Variants in CCDC178 observed in about 807,000 individuals in gnomAD.
CCDC178 encodes the protein coiled-coil domain-containing protein 178.
CCDC178 carries 126 observed loss-of-function variants against 117.4 expected under a neutral mutation model. The observed-to-expected ratio is 1.07, with a 90% CI of 0.93 to 1.24. The LOEUF (loss-of-function observed/expected upper bound fraction) is 1.24, where lower values mean the gene tolerates loss of function less well. Ranked by LOEUF, CCDC178 falls within the 50% of genes most tolerant of loss-of-function variation. CCDC178 has a pLI of 0.00. For synonymous variants in CCDC178, 283 were observed against 313.4 expected (o/e 0.90, Z 1.02); for missense variants, 1,030 against 986.9 (o/e 1.04, Z -0.59).
At chr18:33,016,017 A>G (rs888364523) in intron 21 of CCDC178, among the ~76,000 whole-genome samples, 6 of 152,156 alleles carry the variant, frequency 3.9e-5, no homozygotes, top group African/African-American at 1.4e-4. Context: ...AAAACTTCCA[A>G]ATTTGGAGGA....
intron 2 of CCDC178, among the ~76,000 whole-genome samples, chr18:33,419,628 G>A (rs1006961844): frequency 5.9e-5 from 9 of 152,166 alleles, no homozygotes; most frequent in African/African-American, 2.2e-4. Flanking sequence ...GTGGGCAAAC[G>A]ACATGTAGAC....
intron 21 of CCDC178, among the ~76,000 whole-genome samples, chr18:33,089,724 G>T (rs2057434667): frequency 6.6e-6 from 1 of 152,156 alleles, no homozygotes; most frequent in African/African-American, 2.4e-5. Context: ...ATCTGGGGTG[G>T]CAATTAAAAC....
chr18:33,267,019 C>T lies in CCDC178; in HGVS notation c.1306G>A (p.Ala436Thr), dbSNP rs2059825652. 6.3e-7 allele frequency: 1 copy of T among 1,599,790 alleles called. No individual in the cohort carries two copies. The highest frequency in any genetic ancestry group is 1.4e-5 in the African/African-American group (1 of 73,960). ...KTWDIELSDV[A>T]KDFSAISLAC... ...AAAGAAATAGCTGAAAAATCTTTTGCAACATCAGAAAGCTCAATATCCCAT... is the reference window on the plus strand; with the variant it reads ...AAAGAAATAGCTGAAAAATCTTTTGTAACATCAGAAAGCTCAATATCCCAT... The change falls in exon 14 of 23, where the codon GCA (alanine) becomes ACA (threonine). Residue 436 changes from alanine (A) to threonine (T), a missense_variant. Transcript: ENST00000383096.
At chr18:33,307,789 G>T (rs978222279) in intron 11 of CCDC178, among the ~76,000 whole-genome samples, 69 of 152,328 alleles carry the variant, frequency 4.5e-4, no homozygotes, top group African/African-American at 1.6e-3. Context: ...AGGAGCCAAT[G>T]TAAAGCTCAG....
intron 22 of CCDC178, among the ~76,000 whole-genome samples, chr18:32,945,461 A>C (rs2054324476): frequency 1.3e-5 from 2 of 152,204 alleles, no homozygotes; most frequent in South Asian, 4.1e-4. Flanking sequence ...TACATAAACA[A>C]AATTTTGTTA....
intron 20 of CCDC178, among the ~76,000 whole-genome samples, chr18:33,196,650 A>G (rs1410998615): frequency 2.0e-5 from 3 of 152,092 alleles, no homozygotes; most frequent in Non-Finnish European, 2.9e-5. Context: ...GGCCTACCAC[A>G]TGCCAAGACG....
chr18:33,332,111 G>C (rs1218258574), intron 10 of CCDC178, among the ~76,000 whole-genome samples: 2 of 152,120 alleles, frequency 1.3e-5, no homozygotes, highest in African/African-American at 2.4e-5. Context: ...AAAATTGTCA[G>C]ATTAAAAAAT....
chr18:33,228,841 A>C (rs1599027253), intron 15 of CCDC178, among the ~76,000 whole-genome samples: 2 of 152,324 alleles, frequency 1.3e-5, no homozygotes, highest in East Asian at 3.9e-4. Flanking sequence ...CTCTTTACAG[A>C]AAATGGTCTA....
intron 21 of CCDC178, among the ~76,000 whole-genome samples, chr18:33,012,373 T>C (rs1229282369): frequency 1.3e-5 from 2 of 152,182 alleles, no homozygotes; most frequent in Non-Finnish European, 2.9e-5. Flanking sequence ...GTAAGAATTA[T>C]TGTAGAGAAT....
intron 12 of CCDC178, among the ~76,000 whole-genome samples, chr18:33,289,662 T>C (rs1334296840): frequency 6.6e-6 from 1 of 151,942 alleles, no homozygotes; most frequent in Non-Finnish European, 1.5e-5. Context: ...TAAAAAAAGA[T>C]AAAAGGAATT....
At chr18:33,198,287 T>C (rs2058955529) in intron 20 of CCDC178, among the ~76,000 whole-genome samples, 1 of 152,092 alleles carries the variant, frequency 6.6e-6, no homozygotes, top group Admixed American at 6.6e-5. Flanking sequence ...TCTCTATCTA[T>C]CTCCCTATCT....
At chr18:33,285,853 T>C in intron 12 of CCDC178, among the ~76,000 whole-genome samples, 1 of 152,158 alleles carries the variant, frequency 6.6e-6, no homozygotes, top group Admixed American at 6.5e-5. Context: ...AAGCACTTCT[T>C]TAAAATAAAA....
chr18:33,002,021 T>A (rs896360420), intron 21 of CCDC178, among the ~76,000 whole-genome samples: 1 of 152,186 alleles, frequency 6.6e-6, no homozygotes, highest in Admixed American at 6.5e-5. Flanking sequence ...ATCATCCAGA[T>A]ATGTAAAGCA....
At position 32,951,102 on chromosome 18, in the gene CCDC178, G is replaced by GT. The variant is rs745961309; in HGVS notation, c.2524-13012dup. Among the ~76,000 whole-genome samples, 7 of 152,168 alleles carry GT rather than the reference G, an allele frequency of 4.6e-5. No individual in the cohort carries two copies. In the East Asian group the frequency reaches 9.7e-4, roughly 21 times the overall value. On this transcript the variant is annotated intron_variant, in intron 22 of 22. Transcript: ENST00000383096. The stretch of plus-strand genomic sequence containing the variant: ...CTTATTTATTTTGCCAGGAGCAATT[G>GT]TTTTACAATCTATTCATTAATTTAT...
At chr18:33,104,434 T>C (rs995126330) in intron 20 of CCDC178, among the ~76,000 whole-genome samples, 5 of 151,734 alleles carry the variant, frequency 3.3e-5, no homozygotes, top group Admixed American at 6.6e-5. Context: ...TTTCTTCAAC[T>C]TCTATTTATT....
intron 21 of CCDC178, among the ~76,000 whole-genome samples, chr18:33,045,926 G>A (rs2056633572): frequency 6.6e-6 from 1 of 152,106 alleles, no homozygotes; most frequent in African/African-American, 2.4e-5. Flanking sequence ...AAATTAGCCA[G>A]GTGTGGTGGC....
intron 12 of CCDC178, among the ~76,000 whole-genome samples, chr18:33,277,062 C>T (rs1167260795): frequency 1.3e-5 from 2 of 151,906 alleles, no homozygotes; most frequent in Non-Finnish European, 2.9e-5. Context: ...GCAAGGATGC[C>T]ACTTATTTCC....
intron 20 of CCDC178, among the ~76,000 whole-genome samples, chr18:33,148,442 G>A (rs964338545): frequency 1.1e-4 from 17 of 151,062 alleles, no homozygotes; most frequent in African/African-American, 2.4e-4. Flanking sequence ...GAGGGAGACC[G>A]TGGGGAGAGG....
chr18:33,439,055 C>A (rs192717323), intron 2 of CCDC178, among the ~76,000 whole-genome samples: 1 of 152,152 alleles, frequency 6.6e-6, no homozygotes, highest in East Asian at 1.9e-4. Flanking sequence ...TTGGGACAGG[C>A]AAATTGAACC....
Sources: gnomAD v4.1 joint callset for allele counts (sites outside exome capture counted in the v4.1 genomes callset) on GRCh38, gnomAD v4.1.1 for gene constraint, MANE v1.5 for transcripts, NCBI Gene and HGNC (gene_info 2026-07-23, HGNC 2026-07-21) for gene names.